The following ETV6 variants were observed in gnomAD, a reference collection of about 807,000 sequenced individuals.
ETV6 encodes the protein transcription factor ETV6.
ETV6 carries 16 observed loss-of-function variants against 51.1 expected under a neutral mutation model. The observed-to-expected ratio is 0.31, with a 90% CI of 0.21 to 0.48. The LOEUF (loss-of-function observed/expected upper bound fraction) is 0.48, where lower values mean the gene tolerates loss of function less well. Among genes scored for constraint, ETV6 ranks in the 20% least tolerant of loss-of-function variants. The probability of loss-of-function intolerance (pLI) is 0.99; values close to 1 mark genes in which losing one functional copy is unlikely to be tolerated. For missense variants in ETV6, 458 were observed against 594.8 expected (o/e 0.77, Z 2.39); for synonymous variants, 240 against 224.1 (o/e 1.07, Z -0.64).
At chr12:11,705,011 CAG>C (rs772378375) in intron 1 of ETV6, among the ~76,000 whole-genome samples, 8 of 152,084 alleles carry the variant, frequency 5.3e-5, no homozygotes, top group East Asian at 3.8e-4. Flanking sequence ...AATACAGAGA[CAG>C]AGAATGAAAC....
chr12:11,720,595 G>A (rs761509001), intron 1 of ETV6, among the ~76,000 whole-genome samples: 6 of 152,050 alleles, frequency 3.9e-5, no homozygotes, highest in East Asian at 1.9e-4. Flanking sequence ...GGATTAAATC[G>A]AAATCTAAGA....
At chr12:11,810,328 G>T (rs1479524818) in intron 2 of ETV6, among the ~76,000 whole-genome samples, 1 of 152,152 alleles carries the variant, frequency 6.6e-6, no homozygotes, top group Non-Finnish European at 1.5e-5. Flanking sequence ...GCCCTTGAAT[G>T]TAAACCCGTG....
rs1006768361 is a variant in ETV6, at chr12:11,893,286, T to C, written c.*2240T>C. ...TATGAAATCAGAGACCAGGGCATGA[T>C]GTTGCTAGGATTAGAGCCTCTCAGT... is the stretch of plus-strand genomic sequence containing the variant. On this transcript the variant is annotated 3_prime_UTR_variant, in exon 8 of 8. Coordinates refer to ENST00000396373, the MANE Select transcript of ETV6 (RefSeq NM_001987.5). 1.3e-5 allele frequency: 3 copies of C among 232,658 alleles called. No homozygotes were observed. Among genetic ancestry groups the C allele is most frequent in the Admixed American group, 5.6e-5 (1 of 17,762 alleles). 14.4% of individuals were successfully genotyped at this position (232,658 alleles called of 1,614,324 possible). A position where few individuals can be genotyped will look rare whatever the true frequency, so the allele number is the denominator to read the frequency against.
intron 2 of ETV6, among the ~76,000 whole-genome samples, chr12:11,803,850 A>G (rs1945788240): frequency 1.3e-5 from 2 of 152,232 alleles, no homozygotes; most frequent in Admixed American, 6.5e-5. Flanking sequence ...GCTATTTTCA[A>G]TGCATACTTG....
Position 11,857,286 on chromosome 12 carries a change from C to T in ETV6, c.463+3725C>T, listed in dbSNP as rs1335004606. ...GAAATCATGCCTTCGTTAGTAGCCA[C>T]GTGGCAGTGCTAGAAGCTAGGAAGT... On this transcript the variant is annotated intron_variant, in intron 4 of 7. Coordinates refer to ENST00000396373, the MANE Select transcript of ETV6 (RefSeq NM_001987.5). 5.9e-5 allele frequency among the ~76,000 whole-genome samples: 9 copies of T among 152,192 alleles called. 1 individual carries two copies. The highest frequency in any genetic ancestry group is 3.3e-4 in the Admixed American group (5 of 15,280).
chr12:11,743,958 AGTTAATAGTTAAG>A (rs1393453585), intron 1 of ETV6, among the ~76,000 whole-genome samples: 1 of 152,172 alleles, frequency 6.6e-6, no homozygotes, highest in African/African-American at 2.4e-5. Context: ...GGGAGGGAGG[AGTTAATAGTTAAG>A]GCTCAGGTTC....
Position 11,843,675 on chromosome 12 carries a change from G to A in ETV6, c.328+4371G>A, listed in dbSNP as rs117674488. On this transcript the variant is annotated intron_variant, in intron 3 of 7. Transcript: ENST00000396373. ...AATGAGTTATAATTACCTGGAATAC[G>A]ATTATACCTTAAGTCAAATACAGTA... Among the ~76,000 whole-genome samples, 1,085 of 152,240 alleles carry A rather than the reference G, an allele frequency of 7.1e-3. 9 individuals are homozygous for A. The highest frequency in any genetic ancestry group is 0.011 in the Non-Finnish European group (761 of 68,022).
intron 1 of ETV6, among the ~76,000 whole-genome samples, chr12:11,677,455 C>T (rs935666940): frequency 6.6e-6 from 1 of 152,148 alleles, no homozygotes; most frequent in Non-Finnish European, 1.5e-5. Flanking sequence ...CCTGAAATGA[C>T]GGCACTGCAC....
chr12:11,684,051 T>C (rs1864582696), intron 1 of ETV6, among the ~76,000 whole-genome samples: 1 of 152,226 alleles, frequency 6.6e-6, no homozygotes, highest in Non-Finnish European at 1.5e-5. Context: ...GTAAAGGTAG[T>C]CATTTGTCAC....
chr12:11,821,272 G>C (rs1044838136), intron 2 of ETV6, among the ~76,000 whole-genome samples: 7 of 152,218 alleles, frequency 4.6e-5, no homozygotes, highest in African/African-American at 1.7e-4. Context: ...AGGCTGAGGT[G>C]GGAAAATGGT....
intron 1 of ETV6, among the ~76,000 whole-genome samples, chr12:11,673,524 C>A (rs1231799568): frequency 6.6e-6 from 1 of 152,094 alleles, no homozygotes; most frequent in Non-Finnish European, 1.5e-5. Context: ...AGGTCTAGAC[C>A]TGGAGTTTTT....
chr12:11,702,609 G>A (rs767911225), intron 1 of ETV6, among the ~76,000 whole-genome samples: 1 of 146,540 alleles, frequency 6.8e-6, no homozygotes, highest in East Asian at 2.1e-4. Context: ...GTAATCTCTT[G>A]GTAACAAAAG....
chr12:11,886,078 T>A, intron 7 of ETV6, 52 bp downstream of exon 7: 1 of 1,337,974 alleles, frequency 7.5e-7, no homozygotes, highest in Non-Finnish European at 1.1e-6. Context: ...CTGTTTTCTT[T>A]AAATAACGGG....
intron 2 of ETV6, among the ~76,000 whole-genome samples, chr12:11,828,791 A>G (rs1231376551): frequency 6.6e-6 from 1 of 151,974 alleles, no homozygotes; most frequent in Admixed American, 6.5e-5. Flanking sequence ...CCTCCCCATT[A>G]TCTTTTTTCT....
At chr12:11,757,413 A>G (rs765347547) in intron 2 of ETV6, among the ~76,000 whole-genome samples, 8 of 105,178 alleles carry the variant, frequency 7.6e-5, no homozygotes, top group Non-Finnish European at 1.5e-4. Context: ...ATGCTTTCAC[A>G]TTATGTTTGT....
intron 2 of ETV6, among the ~76,000 whole-genome samples, chr12:11,778,255 G>A (rs182720162): frequency 4.3e-4 from 66 of 152,340 alleles, no homozygotes; most frequent in African/African-American, 1.6e-3. Context: ...CTGGCACGTG[G>A]CAGGTCCTCC....
chr12:11,752,184 C>T (rs777688908), intron 1 of ETV6, among the ~76,000 whole-genome samples: 1 of 152,056 alleles, frequency 6.6e-6, no homozygotes, highest in Non-Finnish European at 1.5e-5. Context: ...GTACAAACCA[C>T]AGGGTGTACA....
rs540012201 is a variant in ETV6, at chr12:11,704,118, G to A, written c.34-48332G>A. Among the ~76,000 whole-genome samples the A allele has an allele frequency of 5.3e-5, 8 of 152,264 alleles. No individual in the cohort carries two copies. In the South Asian group the frequency reaches 6.2e-4, roughly 12 times the overall value. ...TACTCATTATTTCGTCTGTCTCACCGTTCCAAGGTAAGCACCGTGAAAACG... is the reference window on the plus strand; with the variant it reads ...TACTCATTATTTCGTCTGTCTCACCATTCCAAGGTAAGCACCGTGAAAACG... On this transcript the variant is annotated intron_variant, in intron 1 of 7. Transcript: ENST00000396373.
At chr12:11,657,357 A>T (rs374335481) in intron 1 of ETV6, among the ~76,000 whole-genome samples, 1 of 152,384 alleles carries the variant, frequency 6.6e-6, no homozygotes, top group African/African-American at 2.4e-5. Context: ...ACAGGCAAGA[A>T]TTCAGAAAGC....
Sources: allele counts gnomAD v4.1 joint callset (sites outside exome capture counted in the v4.1 genomes callset), GRCh38; gene constraint gnomAD v4.1.1; transcripts MANE v1.5; gene names NCBI Gene and HGNC (gene_info 2026-07-23, HGNC 2026-07-21).